The following AQP4 variants were observed in gnomAD, a reference collection of about 807,000 sequenced individuals.
AQP4 encodes the protein aquaporin-4.
AQP4 carries 18 observed loss-of-function variants against 27.8 expected under a neutral mutation model. That is an observed-to-expected ratio of 0.65 (90% CI 0.45 to 0.96). The LOEUF (loss-of-function observed/expected upper bound fraction) is 0.96, where lower values mean the gene tolerates loss of function less well. Among genes scored for constraint, AQP4 ranks in the 40% least tolerant of loss-of-function variants. The pLI, the probability that AQP4 is intolerant of heterozygous loss-of-function variation, is 0.00. For missense variants in AQP4, 412 were observed against 408.2 expected, an observed-to-expected ratio of 1.01 and a Z score of -0.08; for synonymous variants, 141 against 142.9, an observed-to-expected ratio of 0.99 and a Z score of 0.10.
intron 1 of AQP4, 186 bp from the exon 2 acceptor site, chr18:26,862,782 T>C: frequency 2.8e-6 from 2 of 707,190 alleles, no homozygotes; most frequent in South Asian, 3.5e-5. Flanking sequence ...TATTCTAGTC[T>C]CCTTTCATTT....
intron 1 of AQP4, 185 bp from the exon 2 acceptor site, chr18:26,862,781 C>T (rs2054978868): frequency 4.2e-6 from 3 of 717,734 alleles, no homozygotes; most frequent in Admixed American, 5.1e-5. Flanking sequence ...TTATTCTAGT[C>T]TCCTTTCATT....
rs2054804502 is a variant in AQP4 at position 26,854,322 on chromosome 18, C to G, written c.*1889G>C. 6.6e-6 allele frequency: 1 copy of G among 152,338 alleles called. No homozygotes were observed. The highest frequency in any genetic ancestry group is 1.5e-5 in the Non-Finnish European group (1 of 68,032). The allele number at this position is 152,338 out of a possible 1,614,324, so 9.4% of individuals were successfully genotyped here. ...TGATATTACCTTTTGAACTGAACCA[C>G]CCTGATTTTAAGCCTCTAAGTGGTA... On this transcript the variant is annotated 3_prime_UTR_variant, in exon 5 of 5. Transcript: ENST00000383168.
rs1166313518 is a variant in AQP4, at chr18:26,860,825, G to A, written c.640C>T (p.Pro214Ser). The A allele has an allele frequency of 1.9e-6, 3 of 1,613,926 alleles. No individual in the cohort carries two copies. The highest frequency in any genetic ancestry group is 1.3e-5 in the African/African-American group (1 of 74,888). ...AINYTGASMN[P>S]ARSFGPAVIM... is the part of the protein sequence containing the mutation. ...ACTGCAGGTCCAAAGGATCGGGCGG[G>A]ATTCATGCTGGCACCAGTATAATTG... The change falls in exon 4 of 5, where the codon CCC (proline) becomes TCC (serine). Residue 214 changes from proline (P) to serine (S), a missense_variant. Physicochemically the swap from Pro to Ser is moderately conservative, Grantham distance 74. Transcript: ENST00000383168.
chr18:26,861,875 A>G, intron 2 of AQP4: 1 of 434,302 alleles, frequency 2.3e-6, no homozygotes, highest in Admixed American at 3.7e-5. Flanking sequence ...AACTGTAAGG[A>G]AAATGCATTA....
In AQP4 at chr18:26,856,295, AG is replaced by A. The variant is rs1284105830; in HGVS notation, c.887del (p.Pro296LeufsTer6). The A allele has an allele frequency of 6.2e-7, 1 of 1,614,144 alleles. No homozygotes were observed. The highest frequency in any genetic ancestry group is 1.1e-5 in the South Asian group (1 of 91,080). On this transcript the variant is annotated frameshift_variant, in exon 5 of 5. Transcript: ENST00000383168. LOFTEE classifies it high-confidence loss of function. ...QVETDDLILK[P>X]GVVHVIDVDR... The stretch of plus-strand genomic sequence containing the variant: ...CAACGTCAATCACATGCACCACTCC[AG>A]GTTTTAGAATCAGGTCATCCGTCTC...
upstream of AQP4, chr18:26,865,710 A>C (rs762582877): frequency 6.2e-7 from 1 of 1,614,156 alleles, no homozygotes; most frequent in South Asian, 1.1e-5. Context: ...GCCAGAGTGC[A>C]GCTCTCATTG....
intron 4 of AQP4, among the ~76,000 whole-genome samples, chr18:26,857,788 G>A (rs369987298): frequency 1.9e-4 from 29 of 152,232 alleles, no homozygotes; most frequent in African/African-American, 6.5e-4. Flanking sequence ...CACTGTCCCC[G>A]GGCCAGCCGT....
At chr18:26,857,476 G>A (rs779207545) in intron 4 of AQP4, among the ~76,000 whole-genome samples, 5 of 151,910 alleles carry the variant, frequency 3.3e-5, no homozygotes, top group Non-Finnish European at 5.9e-5. Context: ...ACAGGTGCCC[G>A]CCACCACGCC....
At position 26,860,848 on chromosome 18, in the gene AQP4, T is replaced by C. The variant is rs760164324; in HGVS notation, c.617A>G (p.Asn206Ser). 27 of 1,613,994 alleles carry C rather than the reference T, an allele frequency of 1.7e-5. No individual in the cohort carries two copies. Among genetic ancestry groups the C allele is most frequent in the Non-Finnish European group, 2.3e-5 (27 of 1,179,872 alleles). ...SVAIGHLFAI[N>S]YTGASMNPAR... ...GGGATTCATGCTGGCACCAGTATAA[T>C]TGATCTATAGGAAACAAGAAAACAA... The change falls in exon 4 of 5, where the codon AAT becomes AGT. Residue 206 changes from asparagine to serine, a missense_variant. By Grantham distance (46) the Asn-to-Ser change is conservative. Transcript: ENST00000383168.
At chr18:26,858,820 TTAAAG>T (rs750120992) in intron 4 of AQP4, among the ~76,000 whole-genome samples, 17 of 152,172 alleles carry the variant, frequency 1.1e-4, no homozygotes, top group African/African-American at 2.2e-4. Flanking sequence ...CATATGTACT[TTAAAG>T]TAAAGAATCT....
chr18:26,862,259 G>A lies in AQP4; in HGVS notation c.370C>T (p.Leu124=), dbSNP rs376240418. The change falls in exon 2 of 5, where the codon CTG becomes TTG. Residue 124 remains leucine (L), a synonymous_variant. Coordinates refer to ENST00000383168, the MANE Select transcript of AQP4 (RefSeq NM_001650.7). ...KSVFYIAAQC[L]GAIIGAGILY... Reference sequence around the variant, plus strand: ...ATTCCTGCTCCAATGATGGCCCCCAGGCACTGGGCTGCGATGTAGAAGACA... The same window carrying A: ...ATTCCTGCTCCAATGATGGCCCCCAAGCACTGGGCTGCGATGTAGAAGACA... 2 of 1,614,220 alleles carry A rather than the reference G, an allele frequency of 1.2e-6. No individual in the cohort carries two copies. The highest frequency in any genetic ancestry group is 2.7e-5 in the African/African-American group (2 of 75,054).
intron 4 of AQP4, among the ~76,000 whole-genome samples, chr18:26,857,292 A>G (rs1012780181): frequency 4.0e-5 from 6 of 150,664 alleles, no homozygotes; most frequent in Admixed American, 1.3e-4. Context: ...TAGCAATTCC[A>G]TAGGATTTCA....
In AQP4 at chr18:26,854,324, C is replaced by G. The variant is rs1392706876; in HGVS notation, c.*1887G>C. On this transcript the variant is annotated 3_prime_UTR_variant, in exon 5 of 5. Coordinates refer to ENST00000383168, the MANE Select transcript of AQP4 (RefSeq NM_001650.7). ...ATATTACCTTTTGAACTGAACCACC[C>G]TGATTTTAAGCCTCTAAGTGGTATA... The G allele has an allele frequency of 6.6e-6, 1 of 152,208 alleles. No homozygotes were observed. Among genetic ancestry groups the G allele is most frequent in the Non-Finnish European group, 1.5e-5 (1 of 68,032 alleles). 9.4% of individuals were successfully genotyped at this position (152,208 alleles called of 1,614,324 possible).
In AQP4 at chr18:26,852,098, C is replaced by T. The variant is rs1568061271; in HGVS notation, c.*4113G>A. On this transcript the variant is annotated 3_prime_UTR_variant, in exon 5 of 5. Coordinates refer to ENST00000383168, the MANE Select transcript of AQP4 (RefSeq NM_001650.7). ...TTCACAAGCTTAGTAGTACAAGATG[C>T]AACATAATTCAAGAAAATCAACCAC... 6.6e-6 allele frequency: 1 copy of T among 152,160 alleles called. No individual in the cohort carries two copies. The highest frequency in any genetic ancestry group is 1.5e-5 in the Non-Finnish European group (1 of 68,036). The allele number at this position is 152,160 out of a possible 1,614,324, so 9.4% of individuals were successfully genotyped here.
Position 26,862,282 on chromosome 18 carries a change from A to G in AQP4, c.347T>C (p.Val116Ala), listed in dbSNP as rs2054963340. ...CAGGCACTGGGCTGCGATGTAGAAG[A>G]CAGACTTGGCGATGCTGATCTTCCT... is the stretch of plus-strand genomic sequence containing the variant. ...CTRKISIAKS[V>A]FYIAAQCLGA... Residue 116 changes from valine (V) to alanine (A), a missense_variant, in exon 2 of 5, where the codon GTC (valine) becomes GCC (alanine). Transcript: ENST00000383168. 1 of 1,614,208 alleles carries G rather than the reference A, an allele frequency of 6.2e-7. No individual in the cohort carries two copies. The highest frequency in any genetic ancestry group is 1.3e-5 in the African/African-American group (1 of 75,048).
intron 2 of AQP4, 37 bp downstream of exon 2, chr18:26,862,145 C>CT: frequency 6.2e-7 from 1 of 1,610,114 alleles, no homozygotes; most frequent in Non-Finnish European, 8.5e-7. Context: ...TTGCAAGAAG[C>CT]TTGGAGTCCT....
intron 4 of AQP4, among the ~76,000 whole-genome samples, chr18:26,858,087 T>C (rs1437001460): frequency 6.6e-6 from 1 of 151,956 alleles, no homozygotes; most frequent in Non-Finnish European, 1.5e-5. Flanking sequence ...CTGAGCAACA[T>C]GGTGAAACCC....
At position 26,852,619 on chromosome 18, in the gene AQP4, T is replaced by C; in HGVS notation, c.*3592A>G. ...TGAGTTTCAAAAGCTACTGCTCTTA[T>C]GGGGCAATCTGTAGAGTACTAAACT... On this transcript the variant is annotated 3_prime_UTR_variant, in exon 5 of 5. Coordinates refer to ENST00000383168, the MANE Select transcript of AQP4 (RefSeq NM_001650.7). 1 of 390,848 alleles carries C rather than the reference T, an allele frequency of 2.6e-6. No homozygotes were observed. 24.2% of individuals were successfully genotyped at this position (390,848 alleles called of 1,614,324 possible).
Position 26,858,782 on chromosome 18 carries a change from G to GTT in AQP4, c.693+1989_693+1990insAA, listed in dbSNP as rs1328418463. Among the ~76,000 whole-genome samples, 108 of 152,114 alleles carry GTT rather than the reference G, an allele frequency of 7.1e-4. 1 individual carries two copies. The highest frequency in any genetic ancestry group is 9.6e-4 in the Non-Finnish European group (65 of 68,030). On this transcript the variant is annotated intron_variant, in intron 4 of 4. Transcript: ENST00000383168. ...TGTTCTCAAAAATAAACAAATCTCA[G>GTT]TGTCAAGTTGCTATTTCAAAATGAA...
Sources: allele counts gnomAD v4.1 joint callset (sites outside exome capture counted in the v4.1 genomes callset), GRCh38; gene constraint gnomAD v4.1.1; transcripts MANE v1.5; gene names NCBI Gene and HGNC (gene_info 2026-07-23, HGNC 2026-07-21).